The following ARHGAP25 variants were observed in gnomAD, a reference collection of about 807,000 sequenced individuals.
ARHGAP25 encodes the protein Rho GTPase activating protein 25.
ARHGAP25 carries 34 observed loss-of-function variants against 71.0 expected under a neutral mutation model. The observed-to-expected ratio is 0.48, with a 90% CI of 0.36 to 0.64. The LOEUF is 0.64. Among genes scored for constraint, ARHGAP25 ranks in the 30% least tolerant of loss-of-function variants. ARHGAP25 has a pLI of 0.00. For synonymous variants in ARHGAP25, 282 were observed against 296.5 expected, an observed-to-expected ratio of 0.95 and a Z score of 0.50; for missense variants, 706 against 805.1, an observed-to-expected ratio of 0.88 and a Z score of 1.49.
chr2:68,782,283 A>T lies in ARHGAP25; in HGVS notation c.312A>T (p.Pro104=), dbSNP rs772156633. Residue 104 remains proline (P), a synonymous_variant, in exon 3 of 11, where the codon CCA becomes CCT. Coordinates refer to ENST00000409202, the MANE Select transcript of ARHGAP25 (RefSeq NM_001007231.3). ...GCTIKEIATN[P]EEAGKFVFEI... Reference sequence around the variant, plus strand: ...CAATCAAGGAGATCGCCACAAACCCAGAAGAAGCTGGGAAGTTTGTCTTTG... The same window carrying T: ...CAATCAAGGAGATCGCCACAAACCCTGAAGAAGCTGGGAAGTTTGTCTTTG... 2.5e-6 allele frequency: 4 copies of T among 1,614,052 alleles called. No homozygotes were observed. In the African/African-American group the frequency reaches 4.0e-5, roughly 16 times the overall value.
chr2:68,784,531 G>A (rs898823363), intron 3 of ARHGAP25, among the ~76,000 whole-genome samples: 14 of 151,974 alleles, frequency 9.2e-5, no homozygotes, highest in Non-Finnish European at 1.8e-4. Context: ...CAACAATTTA[G>A]GGTAGGCTTC....
At chr2:68,773,252 T>G (rs1677605025) in intron 1 of ARHGAP25, among the ~76,000 whole-genome samples, 1 of 152,168 alleles carries the variant, frequency 6.6e-6, no homozygotes, top group Non-Finnish European at 1.5e-5. Flanking sequence ...AAAACTCTGG[T>G]GTTTGAAAGT....
intron 1 of ARHGAP25, among the ~76,000 whole-genome samples, chr2:68,768,118 G>A (rs1677241688): frequency 6.6e-6 from 1 of 152,226 alleles, no homozygotes; most frequent in African/African-American, 2.4e-5. Context: ...GTTAACTGGA[G>A]CAGATCATTT....
At chr2:68,721,233 T>G (rs1376181780) in intron 2 of ARHGAP25, among the ~76,000 whole-genome samples, 2 of 152,266 alleles carry the variant, frequency 1.3e-5, no homozygotes, top group Non-Finnish European at 2.9e-5. Flanking sequence ...TGGTCCAAAC[T>G]CATCAGAACT....
chr2:68,739,480 T>C (rs570451582), intron 1 of ARHGAP25, among the ~76,000 whole-genome samples: 8 of 152,194 alleles, frequency 5.3e-5, no homozygotes, highest in Non-Finnish European at 1.0e-4. Flanking sequence ...TAAGGCCCAC[T>C]ATGGGGGTGT....
intron 2 of ARHGAP25, among the ~76,000 whole-genome samples, chr2:68,776,968 C>T (rs1677967278): frequency 6.6e-6 from 1 of 152,154 alleles, no homozygotes; most frequent in Non-Finnish European, 1.5e-5. Context: ...TAACCAGTTC[C>T]TCCACTTAAG....
intron 2 of ARHGAP25, chr2:68,710,809 T>C (rs1453637622): frequency 1.3e-5 from 2 of 152,212 alleles, no homozygotes; most frequent in African/African-American, 2.4e-5. Context: ...CTAGTTCTTA[T>C]ATAACTGAGA....
At chr2:68,762,545 G>A (rs904233609) in intron 1 of ARHGAP25, among the ~76,000 whole-genome samples, 15 of 152,072 alleles carry the variant, frequency 9.9e-5, no homozygotes, top group African/African-American at 2.9e-4. Context: ...AATTAGGACC[G>A]CATCCTGGGG....
chr2:68,824,594 T>C (rs1681966652), intron 10 of ARHGAP25, among the ~76,000 whole-genome samples: 1 of 151,898 alleles, frequency 6.6e-6, no homozygotes, highest in Admixed American at 6.6e-5. Flanking sequence ...TATAAAACAT[T>C]AGCCAGGCAT....
At chr2:68,759,622 A>ATTAG (rs200888169) in intron 1 of ARHGAP25, among the ~76,000 whole-genome samples, 8,246 of 152,062 alleles carry the variant, frequency 0.054, 305 homozygotes, top group Middle Eastern at 0.099. Context: ...AATGAATTAA[A>ATTAG]GACCTGATGT....
intron 4 of ARHGAP25, among the ~76,000 whole-genome samples, chr2:68,798,310 T>G (rs943877084): frequency 2.0e-5 from 3 of 152,244 alleles, no homozygotes; most frequent in African/African-American, 7.2e-5. Context: ...TGTTCTGGTC[T>G]TTCTCACCAG....
intron 1 of ARHGAP25, among the ~76,000 whole-genome samples, chr2:68,748,058 G>T (rs1190833909): frequency 3.3e-5 from 5 of 152,068 alleles, no homozygotes; most frequent in African/African-American, 1.2e-4. Flanking sequence ...AGTATACTTA[G>T]GATTAAATTC....
intron 2 of ARHGAP25, among the ~76,000 whole-genome samples, chr2:68,721,931 C>T (rs1674772741): frequency 6.6e-6 from 1 of 152,234 alleles, no homozygotes; most frequent in South Asian, 2.1e-4. Flanking sequence ...TGTGTCCAAG[C>T]TGATCAAACT....
chr2:68,782,426 T>TAACC, intron 3 of ARHGAP25, 106 bp downstream of exon 3: 5 of 976,258 alleles, frequency 5.1e-6, no homozygotes, highest in Non-Finnish European at 8.0e-6. Context: ...TTCAACTAAC[T>TAACC]AACCAACCAG....
At chr2:68,734,626 A>T (rs1363994412), upstream of ARHGAP25, among the ~76,000 whole-genome samples, 3 of 152,170 alleles carry the variant, frequency 2.0e-5, no homozygotes, top group Non-Finnish European at 4.4e-5. Context: ...TTCTAATTAA[A>T]ACTGTAATCT....
chr2:68,790,353 A>G (rs1679085618), intron 4 of ARHGAP25, among the ~76,000 whole-genome samples: 1 of 152,230 alleles, frequency 6.6e-6, no homozygotes, highest in Non-Finnish European at 1.5e-5. Context: ...AAGACAGTAT[A>G]GAGTCTCATT....
intron 1 of ARHGAP25, among the ~76,000 whole-genome samples, chr2:68,762,828 A>G (rs1302394220): frequency 6.6e-6 from 1 of 152,222 alleles, no homozygotes; most frequent in African/African-American, 2.4e-5. Context: ...AGACAGAAAC[A>G]CTACAGTTGC....
rs955776673 is a variant in ARHGAP25, at chr2:68,800,288, C to A, written c.467-6985C>A. ...GATCTTAGGAGTGTTTCAGTGATGA[C>A]AAAGGAGGACCAAGGTAGGGAGGGA... On this transcript the variant is annotated intron_variant, in intron 4 of 10. Transcript: ENST00000409202. Among the ~76,000 whole-genome samples the A allele has an allele frequency of 2.6e-5, 4 of 152,120 alleles. No individual in the cohort carries two copies. In the South Asian group the frequency reaches 8.3e-4, roughly 32 times the overall value.
chr2:68,765,009 A>G (rs1677039759), intron 1 of ARHGAP25, among the ~76,000 whole-genome samples: 1 of 152,150 alleles, frequency 6.6e-6, no homozygotes, highest in South Asian at 2.1e-4. Context: ...GAGGTCACCT[A>G]GAATTCTAGG....
Sources: gnomAD v4.1 joint callset for allele counts (sites outside exome capture counted in the v4.1 genomes callset) on GRCh38, gnomAD v4.1.1 for gene constraint, MANE v1.5 for transcripts, NCBI Gene and HGNC (gene_info 2026-07-23, HGNC 2026-07-21) for gene names.